Variants in BAHCC1 observed in about 807,000 individuals in gnomAD.
The protein encoded by BAHCC1 is BAH and coiled-coil domain-containing protein 1.
BAHCC1 carries 43 observed loss-of-function variants against 88.2 expected under a neutral mutation model. The ratio of observed to expected loss-of-function variants is 0.49; its 90% confidence interval spans 0.38 to 0.63. The LOEUF (loss-of-function observed/expected upper bound fraction) is 0.63, where lower values mean the gene tolerates loss of function less well. Ranked by LOEUF, BAHCC1 falls within the 20% of genes least tolerant of loss-of-function variation. The probability of loss-of-function intolerance (pLI) is 0.00; values close to 1 mark genes in which losing one functional copy is unlikely to be tolerated. For synonymous variants in BAHCC1, 1,510 were observed against 745.5 expected, an observed-to-expected ratio of 2.03 and a Z score of -16.71; for missense variants, 3,023 against 1,654.8, an observed-to-expected ratio of 1.83 and a Z score of -14.34.
At chr17:81,420,760 C>T (rs114274711) in intron 2 of BAHCC1, among the ~76,000 whole-genome samples, 2,384 of 152,362 alleles carry the variant, frequency 0.016, 69 homozygotes, top group African/African-American at 0.054. Context: ...GTGCAGTCCT[C>T]GGTGGCCCCG....
chr17:81,399,659 G>A lies in BAHCC1; in HGVS notation c.-81G>A, dbSNP rs1205152236. 2.2e-6 allele frequency: 2 copies of A among 899,938 alleles called. No homozygotes were observed. The highest frequency in any genetic ancestry group is 4.6e-5 in the South Asian group (1 of 21,654). The allele number at this position is 899,938 out of a possible 1,614,324, so 55.7% of individuals were successfully genotyped here. A position where few individuals can be genotyped will look rare whatever the true frequency, so the allele number is the denominator to read the frequency against. On this transcript the variant is annotated 5_prime_UTR_variant, in exon 2 of 28. Transcript: ENST00000675386. The surrounding 1 kb of genome is among the most constrained non-coding windows in gnomAD (Gnocchi z 4.5). ...TGACCCCGGACGCCGCCGCCTCTGC[G>A]CCGCCCGCGCGCCGAGCCGCCCCCG... is the stretch of plus-strand genomic sequence containing the variant.
chr17:81,430,779 C>T (rs2064251235), intron 3 of BAHCC1, among the ~76,000 whole-genome samples: 24 of 152,158 alleles, frequency 1.6e-4, no homozygotes, highest in African/African-American at 4.8e-5. Context: ...CTCCCGGCCT[C>T]GGTTTCCTCG....
intron 2 of BAHCC1, among the ~76,000 whole-genome samples, chr17:81,424,671 TGGG>T (rs1240659510): frequency 6.6e-6 from 1 of 151,340 alleles, no homozygotes; most frequent in Admixed American, 6.6e-5. Context: ...GTGATGTGGT[TGGG>T]GGCATGGTGG....
In BAHCC1 at chr17:81,438,486, C is replaced by CA; in HGVS notation, c.480dup (p.Asp161ArgfsTer2). 1.3e-6 allele frequency: 1 copy of CA among 769,850 alleles called. No homozygotes were observed. 47.7% of individuals were successfully genotyped at this position (769,850 alleles called of 1,614,324 possible). A position where few individuals can be genotyped will look rare whatever the true frequency, so the allele number is the denominator to read the frequency against. Reference sequence around the variant, plus strand: ...TGGGCAGCACCGTTTCTATGGAACCCAAAAAGGCAAGTGCAGCATGGGACC... The same window carrying CA: ...TGGGCAGCACCGTTTCTATGGAACCCAAAAAAGGCAAGTGCAGCATGGGACC... On this transcript the variant is annotated frameshift_variant, in exon 4 of 28. Coordinates refer to ENST00000675386, the MANE Select transcript of BAHCC1 (RefSeq NM_001377448.1). LOFTEE classifies it high-confidence loss of function.
At chr17:81,409,996 G>A (rs781891578) in intron 2 of BAHCC1, 28 of 254,422 alleles carry the variant, frequency 1.1e-4, no homozygotes, top group South Asian at 5.7e-4. Flanking sequence ...CAGCTGCCCC[G>A]GCCTAAGGTG....
intron 11 of BAHCC1, among the ~76,000 whole-genome samples, chr17:81,449,300 C>T (rs2064590397): frequency 6.6e-6 from 1 of 151,586 alleles, no homozygotes. Flanking sequence ...CCTGCCCCTG[C>T]CCTCCCCTTG....
intron 2 of BAHCC1, among the ~76,000 whole-genome samples, chr17:81,423,725 G>T (rs1472171799): frequency 6.6e-6 from 1 of 152,144 alleles, no homozygotes; most frequent in Non-Finnish European, 1.5e-5. Context: ...TGTGTGTGCT[G>T]TGTCCTCCGT....
Position 81,445,171 on chromosome 17 carries a change from A to G in BAHCC1, c.2828A>G (p.Gln943Arg), listed in dbSNP as rs1555653973. Residue 943 changes from glutamine to arginine, a missense_variant, in exon 9 of 28, where the codon CAG becomes CGG. Transcript: ENST00000675386. ...GCTTTGCAGCAGCAGAGGGCCGCCC[A>G]GTTCCAGGTACCGCCCCTAGCCACG... Reference protein sequence around the residue: ...LYALQQQRAAQFQRKPEDQHL... With the variant: ...LYALQQQRAARFQRKPEDQHL... 1 of 768,094 alleles carries G rather than the reference A, an allele frequency of 1.3e-6. No individual in the cohort carries two copies. Among genetic ancestry groups the G allele is most frequent in the South Asian group, 1.4e-5 (1 of 72,626 alleles). The allele number at this position is 768,094 out of a possible 1,614,324, so 47.6% of individuals were successfully genotyped here. A position where few individuals can be genotyped will look rare whatever the true frequency, so the allele number is the denominator to read the frequency against.
At position 81,399,134 on chromosome 17, in the gene BAHCC1, T is replaced by TGTGTGTGA. The variant is rs1214559673; in HGVS notation, c.-206-393_-206-392insAGTGTGTG. On this transcript the variant is annotated intron_variant, in intron 1 of 27. Coordinates refer to ENST00000675386, the MANE Select transcript of BAHCC1 (RefSeq NM_001377448.1). The surrounding 1 kb of genome is among the most constrained non-coding windows in gnomAD (Gnocchi z 4.5). ...GGGAGAGGGTGTGCGTGTGAGTGTG[T>TGTGTGTGA]GTGTGTGTGTGTGTGTGTGCGAGTG... 28 of 267,626 alleles carry TGTGTGTGA rather than the reference T, an allele frequency of 1.0e-4. No homozygotes were observed. The highest frequency in any genetic ancestry group is 7.6e-4 in the Admixed American group (21 of 27,618). The allele number at this position is 267,626 out of a possible 1,614,324, so 16.6% of individuals were successfully genotyped here.
intron 16 of BAHCC1, among the ~76,000 whole-genome samples, chr17:81,456,948 C>A (rs1195302512): frequency 6.6e-6 from 1 of 152,096 alleles, no homozygotes; most frequent in Non-Finnish European, 1.5e-5. Context: ...TCTGACCACC[C>A]CCCCCAGCAA....
In BAHCC1 at chr17:81,399,344, G is replaced by A. The variant is rs1427246292; in HGVS notation, c.-206-190G>A. On this transcript the variant is annotated intron_variant, in intron 1 of 27. Coordinates refer to ENST00000675386, the MANE Select transcript of BAHCC1 (RefSeq NM_001377448.1). The surrounding 1 kb of genome is among the most constrained non-coding windows in gnomAD (Gnocchi z 4.5). ...ACGGTGCGTGCGCGCGCGGGGCCCC[G>A]GGTGCTGGGCTGCGCGCGCGTGCGG... 1 of 181,174 alleles carries A rather than the reference G, an allele frequency of 5.5e-6. No homozygotes were observed. Among genetic ancestry groups the A allele is most frequent in the Non-Finnish European group, 1.2e-5 (1 of 83,574 alleles). The allele number at this position is 181,174 out of a possible 1,614,324, so 11.2% of individuals were successfully genotyped here.
chr17:81,432,462 C>G (rs946055195), intron 3 of BAHCC1, among the ~76,000 whole-genome samples: 1 of 151,890 alleles, frequency 6.6e-6, no homozygotes, highest in African/African-American at 2.4e-5. Context: ...GTGGTTGCTT[C>G]TAGCTCCACG....
intron 4 of BAHCC1, among the ~76,000 whole-genome samples, chr17:81,439,792 C>A (rs1159936430): frequency 2.0e-5 from 3 of 152,072 alleles, no homozygotes; most frequent in African/African-American, 4.8e-5. Flanking sequence ...AGGGAGGGGA[C>A]CCCAGTGAGC....
chr17:81,431,455 AG>A (rs1351935936), intron 3 of BAHCC1, among the ~76,000 whole-genome samples: 1 of 152,196 alleles, frequency 6.6e-6, no homozygotes, highest in Non-Finnish European at 1.5e-5. Flanking sequence ...CACCTGGCAG[AG>A]GGCTGTATGG....
At position 81,411,897 on chromosome 17, in the gene BAHCC1, C is replaced by G. The variant is rs1170989007; in HGVS notation, c.178+11980C>G. Among the ~76,000 whole-genome samples the G allele has an allele frequency of 1.3e-5, 2 of 152,208 alleles. No homozygotes were observed. The highest frequency in any genetic ancestry group is 2.9e-5 in the Non-Finnish European group (2 of 68,040). ...ACTCTTCCCTCCAGCTCAGCGCTTA[C>G]CATCGTATCCCTGCATCCGAGGGTA... On this transcript the variant is annotated intron_variant, in intron 2 of 27. Transcript: ENST00000675386. The surrounding 1 kb of genome is among the most constrained non-coding windows in gnomAD (Gnocchi z 6.2).
Position 81,399,090 on chromosome 17 carries a change from C to A in BAHCC1, c.-206-444C>A, listed in dbSNP as rs536682020. ...ACCCCAGGCCTTTTCCTCCGAGACACCTTTGGGCAGCGGGGGAGGGGAGAG... is the reference window on the plus strand; with the variant it reads ...ACCCCAGGCCTTTTCCTCCGAGACAACTTTGGGCAGCGGGGGAGGGGAGAG... On this transcript the variant is annotated intron_variant, in intron 1 of 27. Transcript: ENST00000675386. This position sits in a 1 kb window ranked among gnomAD's most constrained non-coding sequence, Gnocchi z 4.5. 53 of 227,146 alleles carry A rather than the reference C, an allele frequency of 2.3e-4. No homozygotes were observed. Among genetic ancestry groups the A allele is most frequent in the Non-Finnish European group, 4.8e-4 (49 of 101,282 alleles). The allele number at this position is 227,146 out of a possible 1,614,324, so 14.1% of individuals were successfully genotyped here.
At chr17:81,400,033 C>A in intron 2 of BAHCC1, 116 bp downstream of exon 2, 1 of 947,622 alleles carries the variant, frequency 1.1e-6, no homozygotes, top group Non-Finnish European at 1.4e-6. Context: ...GCCCCGGCCG[C>A]GGTGGCTGCC....
rs782729274 is a variant in BAHCC1 at position 81,438,375 on chromosome 17, G to A, written c.364G>A (p.Gly122Arg). The A allele has an allele frequency of 3.9e-6, 3 of 778,714 alleles. No individual in the cohort carries two copies. The highest frequency in any genetic ancestry group is 2.7e-5 in the South Asian group (2 of 74,390). The allele number at this position is 778,714 out of a possible 1,614,324, so 48.2% of individuals were successfully genotyped here. A position where few individuals can be genotyped will look rare whatever the true frequency, so the allele number is the denominator to read the frequency against. Residue 122 changes from glycine (G) to arginine (R), a missense_variant, in exon 4 of 28, where the codon GGG (glycine) becomes AGG (arginine). Transcript: ENST00000675386. Reference protein sequence around the residue: ...IWFSHSHEAPGYPRFSGSLAS... With the variant: ...IWFSHSHEAPRYPRFSGSLAS... ...TGGGTCTCTTGCTTCTCTAGCTCCG[G>A]GGTACCCCAGATTTTCGGGGAGTCT...
intron 2 of BAHCC1, among the ~76,000 whole-genome samples, chr17:81,420,689 C>G (rs904549276): frequency 7.9e-5 from 12 of 152,384 alleles, no homozygotes; most frequent in African/African-American, 2.4e-4. Flanking sequence ...CGGTCTGGAT[C>G]TAGAGCTGCA....
Sources: allele counts gnomAD v4.1 joint callset (sites outside exome capture counted in the v4.1 genomes callset), GRCh38; gene constraint gnomAD v4.1.1; non-coding constraint Gnocchi (gnomAD v3.1); transcripts MANE v1.5; gene names NCBI Gene and HGNC (gene_info 2026-07-23, HGNC 2026-07-21).